Variants in FSBP observed in about 807,000 individuals in gnomAD.
The protein encoded by FSBP is fibrinogen silencer-binding protein.
A neutral mutation model predicts 24.6 loss-of-function variants in FSBP; 18 were observed. The observed-to-expected ratio is 0.73, with a 90% CI of 0.51 to 1.08. The LOEUF is 1.08. FSBP is among the 50% of genes least tolerant of loss of function. The pLI is 0.00. For missense variants in FSBP, 305 were observed against 347.6 expected, an observed-to-expected ratio of 0.88 and a Z score of 0.98; for synonymous variants, 110 against 125.8, an observed-to-expected ratio of 0.87 and a Z score of 0.84.
In FSBP at chr8:94,428,180, A is replaced by C; in HGVS notation, c.*3951T>G. 1.2e-6 allele frequency: 1 copy of C among 840,126 alleles called. No individual in the cohort carries two copies. The highest frequency in any genetic ancestry group is 1.4e-6 in the Non-Finnish European group (1 of 697,726). 52.0% of individuals were successfully genotyped at this position (840,126 alleles called of 1,614,324 possible). On this transcript the variant is annotated 3_prime_UTR_variant, in exon 2 of 2. Coordinates refer to ENST00000481490, the MANE Select transcript of FSBP (RefSeq NM_001256141.2). The stretch of plus-strand genomic sequence containing the variant: ...AAATTACTAATATATTGGATGAAAT[A>C]ATCTATATACTTAGTATATTTATCA...
At chr8:94,433,967 TAA>T (rs1481509804) in intron 1 of FSBP, among the ~76,000 whole-genome samples, 1 of 151,810 alleles carries the variant, frequency 6.6e-6, no homozygotes, top group African/African-American at 2.4e-5. Context: ...GATATTTATC[TAA>T]GAGACAAAAT....
intron 1 of FSBP, 146 bp downstream of exon 1, chr8:94,436,349 C>G (rs1812259838): frequency 4.5e-6 from 5 of 1,110,168 alleles, no homozygotes; most frequent in Non-Finnish European, 4.9e-6. Flanking sequence ...CCTCACTTTT[C>G]TCTTTTTAAA....
rs1812017109 is a variant in FSBP at position 94,429,067 on chromosome 8, A to G, written c.*3064T>C. 1 of 985,274 alleles carries G rather than the reference A, an allele frequency of 1.0e-6. No homozygotes were observed. Among genetic ancestry groups the G allele is most frequent in the African/African-American group, 1.7e-5 (1 of 57,250 alleles). 61.0% of individuals were successfully genotyped at this position (985,274 alleles called of 1,614,324 possible). On this transcript the variant is annotated 3_prime_UTR_variant, in exon 2 of 2. Transcript: ENST00000481490. ...AACTTTTGCAAATTAAAAGTAAACA[A>G]GACTGACTTGGAGAAAAACAAGATT...
Position 94,431,015 on chromosome 8 carries a change from A to G in FSBP, c.*1116T>C. On this transcript the variant is annotated 3_prime_UTR_variant, in exon 2 of 2. Coordinates refer to ENST00000481490, the MANE Select transcript of FSBP (RefSeq NM_001256141.2). ...ACTTCAAACACCCATGGTCCCCTTC[A>G]CTGCTGAAATTACACCCACCCCATT... 1.0e-6 allele frequency: 1 copy of G among 985,242 alleles called. No homozygotes were observed. The highest frequency in any genetic ancestry group is 1.2e-6 in the Non-Finnish European group (1 of 829,902). The allele number at this position is 985,242 out of a possible 1,614,324, so 61.0% of individuals were successfully genotyped here. A position where few individuals can be genotyped will look rare whatever the true frequency, so the allele number is the denominator to read the frequency against.
At chr8:94,436,443 CAATA>C in intron 1 of FSBP, 48 bp downstream of exon 1, 1 of 1,476,914 alleles carries the variant, frequency 6.8e-7, no homozygotes, top group Non-Finnish European at 8.9e-7. Flanking sequence ...AGCCAAAGCC[CAATA>C]GATAGGAGGC....
chr8:94,429,942 T>A lies in FSBP; in HGVS notation c.*2189A>T. 1 of 985,358 alleles carries A rather than the reference T, an allele frequency of 1.0e-6. No homozygotes were observed. The highest frequency in any genetic ancestry group is 1.2e-6 in the Non-Finnish European group (1 of 829,926). 61.0% of individuals were successfully genotyped at this position (985,358 alleles called of 1,614,324 possible). A position where few individuals can be genotyped will look rare whatever the true frequency, so the allele number is the denominator to read the frequency against. On this transcript the variant is annotated 3_prime_UTR_variant, in exon 2 of 2. Transcript: ENST00000481490. ...GTCCCTAAATGCCACTCCTCCTAAA[T>A]CACAACTATAATCAAATTAGCCCTC...
chr8:94,429,448 A>G lies in FSBP; in HGVS notation c.*2683T>C. On this transcript the variant is annotated 3_prime_UTR_variant, in exon 2 of 2. Transcript: ENST00000481490. ...ACATCTCACAGAATTAATGTTCCACAGAACACACTTGGGAAAACTCTGATT... is the reference window on the plus strand; with the variant it reads ...ACATCTCACAGAATTAATGTTCCACGGAACACACTTGGGAAAACTCTGATT... 1 of 954,144 alleles carries G rather than the reference A, an allele frequency of 1.0e-6. No individual in the cohort carries two copies. The highest frequency in any genetic ancestry group is 1.2e-6 in the Non-Finnish European group (1 of 801,570). The allele number at this position is 954,144 out of a possible 1,614,324, so 59.1% of individuals were successfully genotyped here.
In FSBP at chr8:94,431,339, T is replaced by C; in HGVS notation, c.*792A>G. ...AATAGCTTCAATGGAATACCTTATC[T>C]ATTTTGCTGGAACAAAAATAGAGAG... On this transcript the variant is annotated 3_prime_UTR_variant, in exon 2 of 2. Transcript: ENST00000481490. 1.0e-6 allele frequency: 1 copy of C among 981,666 alleles called. No individual in the cohort carries two copies. Among genetic ancestry groups the C allele is most frequent in the Non-Finnish European group, 1.2e-6 (1 of 826,510 alleles). The allele number at this position is 981,666 out of a possible 1,614,324, so 60.8% of individuals were successfully genotyped here. A position where few individuals can be genotyped will look rare whatever the true frequency, so the allele number is the denominator to read the frequency against.
chr8:94,429,641 C>G lies in FSBP; in HGVS notation c.*2490G>C. On this transcript the variant is annotated 3_prime_UTR_variant, in exon 2 of 2. Coordinates refer to ENST00000481490, the MANE Select transcript of FSBP (RefSeq NM_001256141.2). ...AGAATTATACTGGGAAACATTACCT[C>G]AAATTAAGAATTACAAGATTCATTA... is the stretch of plus-strand genomic sequence containing the variant. 1.0e-6 allele frequency: 1 copy of G among 983,658 alleles called. No individual in the cohort carries two copies. The highest frequency in any genetic ancestry group is 1.2e-6 in the Non-Finnish European group (1 of 828,524). The allele number at this position is 983,658 out of a possible 1,614,324, so 60.9% of individuals were successfully genotyped here.
At chr8:94,436,099 T>C (rs1156975065) in intron 1 of FSBP, among the ~76,000 whole-genome samples, 1 of 152,094 alleles carries the variant, frequency 6.6e-6, no homozygotes, top group African/African-American at 2.4e-5. Flanking sequence ...CTGCTAACTT[T>C]ATATAAATTT....
chr8:94,433,902 G>C (rs1046411342), intron 1 of FSBP, among the ~76,000 whole-genome samples: 3 of 151,592 alleles, frequency 2.0e-5, no homozygotes, highest in Admixed American at 2.0e-4. Context: ...CATAGAAAAA[G>C]ATTAAAACTA....
rs1241899621 is a variant in FSBP at position 94,429,327 on chromosome 8, T to C, written c.*2804A>G. 2 of 497,052 alleles carry C rather than the reference T, an allele frequency of 4.0e-6. No individual in the cohort carries two copies. The highest frequency in any genetic ancestry group is 5.2e-6 in the Non-Finnish European group (2 of 384,226). The allele number at this position is 497,052 out of a possible 1,614,324, so 30.8% of individuals were successfully genotyped here. A position where few individuals can be genotyped will look rare whatever the true frequency, so the allele number is the denominator to read the frequency against. ...TTTCAAGGGCTATTTTGTATATACA[T>C]AATTTTTACCTTCCACAATTATTTT... On this transcript the variant is annotated 3_prime_UTR_variant, in exon 2 of 2. Transcript: ENST00000481490.
rs1812274048 is a variant in FSBP, at chr8:94,436,715, T to C, written c.154A>G (p.Asn52Asp). ...KNRCWDIIAV[N>D]YNAIGVDRPP... The stretch of plus-strand genomic sequence containing the variant: ...CGGTCTACTCCAATTGCATTATAGT[T>C]AACTGCTATGATATCCCAACATCTA... Residue 52 changes from asparagine (N) to aspartate (D), a missense_variant, in exon 1 of 2, where the codon AAC becomes GAC. Physicochemically the swap from Asn to Asp is conservative, Grantham distance 23. Transcript: ENST00000481490. The C allele has an allele frequency of 3.2e-6, 5 of 1,550,734 alleles. No homozygotes were observed. The highest frequency in any genetic ancestry group is 4.4e-6 in the Non-Finnish European group (5 of 1,146,988).
At chr8:94,432,703 A>G in intron 1 of FSBP, 47 bp from the exon 2 acceptor site, 1 of 1,413,296 alleles carries the variant, frequency 7.1e-7, no homozygotes, top group East Asian at 2.5e-5. Context: ...AAATGAAGAA[A>G]AAGTGTATAT....
At chr8:94,432,793 A>C in intron 1 of FSBP, 137 bp from the exon 2 acceptor site, 1 of 1,148,312 alleles carries the variant, frequency 8.7e-7, no homozygotes. Flanking sequence ...AAAAAATCTT[A>C]AACACTTGAA....
chr8:94,430,957 T>C lies in FSBP; in HGVS notation c.*1174A>G. The C allele has an allele frequency of 1.0e-6, 1 of 985,338 alleles. No homozygotes were observed. Among genetic ancestry groups the C allele is most frequent in the Non-Finnish European group, 1.2e-6 (1 of 829,916 alleles). The allele number at this position is 985,338 out of a possible 1,614,324, so 61.0% of individuals were successfully genotyped here. ...TATATACTCAATCCACTTTTTCCCA[T>C]TCTTTTGTCTTTTTTCCAGCGTCTC... On this transcript the variant is annotated 3_prime_UTR_variant, in exon 2 of 2. Transcript: ENST00000481490.
rs1811981678 is a variant in FSBP at position 94,427,825 on chromosome 8, A to T, written c.*4306T>A. On this transcript the variant is annotated 3_prime_UTR_variant, in exon 2 of 2. Coordinates refer to ENST00000481490, the MANE Select transcript of FSBP (RefSeq NM_001256141.2). ...TTATTACACTCTAAGTTATTTAAAC[A>T]TGTGTATTTAAAAGTTGACATTACT... The T allele has an allele frequency of 2.1e-6, 2 of 962,444 alleles. No homozygotes were observed. The highest frequency in any genetic ancestry group is 5.4e-4 in the Middle Eastern group (1 of 1,866). 59.6% of individuals were successfully genotyped at this position (962,444 alleles called of 1,614,324 possible). A position where few individuals can be genotyped will look rare whatever the true frequency, so the allele number is the denominator to read the frequency against.
Position 94,430,964 on chromosome 8 carries a change from G to A in FSBP, c.*1167C>T, listed in dbSNP as rs1812077192. 5.1e-6 allele frequency: 5 copies of A among 985,206 alleles called. No homozygotes were observed. The highest frequency in any genetic ancestry group is 6.0e-6 in the Non-Finnish European group (5 of 829,900). 61.0% of individuals were successfully genotyped at this position (985,206 alleles called of 1,614,324 possible). A position where few individuals can be genotyped will look rare whatever the true frequency, so the allele number is the denominator to read the frequency against. On this transcript the variant is annotated 3_prime_UTR_variant, in exon 2 of 2. Coordinates refer to ENST00000481490, the MANE Select transcript of FSBP (RefSeq NM_001256141.2). ...TCAATCCACTTTTTCCCATTCTTTT[G>A]TCTTTTTTCCAGCGTCTCACTCTTG...
chr8:94,431,888 G>T lies in FSBP; in HGVS notation c.*243C>A. ...TAGTGATCAGAATAAAATATCTTTT[G>T]TAAGGTCAACAATTAAACTTAGGGA... On this transcript the variant is annotated 3_prime_UTR_variant, in exon 2 of 2. Coordinates refer to ENST00000481490, the MANE Select transcript of FSBP (RefSeq NM_001256141.2). The T allele has an allele frequency of 8.5e-7, 1 of 1,170,754 alleles. No homozygotes were observed. The highest frequency in any genetic ancestry group is 1.1e-6 in the Non-Finnish European group (1 of 939,558). The allele number at this position is 1,170,754 out of a possible 1,614,324, so 72.5% of individuals were successfully genotyped here.
Sources: allele counts gnomAD v4.1 joint callset (sites outside exome capture counted in the v4.1 genomes callset), GRCh38; gene constraint gnomAD v4.1.1; transcripts MANE v1.5; gene names NCBI Gene and HGNC (gene_info 2026-07-23, HGNC 2026-07-21).